The following DAPK3 variants were observed in gnomAD, a reference collection of about 807,000 sequenced individuals.
DAPK3 encodes the protein death associated protein kinase 3.
A neutral mutation model predicts 30.6 loss-of-function variants in DAPK3; 24 were observed. The ratio of observed to expected loss-of-function variants is 0.78; its 90% CI spans 0.57 to 1.10. The LOEUF is 1.10. DAPK3 is among the 50% of genes least tolerant of loss of function. The pLI is 0.00. For synonymous variants in DAPK3, 341 were observed against 284.0 expected, an observed-to-expected ratio of 1.20 and a Z score of -2.02; for missense variants, 629 against 657.3, an observed-to-expected ratio of 0.96 and a Z score of 0.47.
At position 3,958,712 on chromosome 19, in the gene DAPK3, C is replaced by G. The variant is rs111331135; in HGVS notation, c.*389G>C. ...CTCCTGGGCTAATGGCAGCAACAGG[C>G]AGCACCCCGCCGAATTGTCCGTGCA... On this transcript the variant is annotated 3_prime_UTR_variant, in exon 9 of 9. Transcript: ENST00000545797. The G allele has an allele frequency of 5.1e-4, 187 of 368,868 alleles. 1 individual carries two copies. Among genetic ancestry groups the G allele is most frequent in the Non-Finnish European group, 7.8e-4 (147 of 188,154 alleles). The allele number at this position is 368,868 out of a possible 1,614,324, so 22.8% of individuals were successfully genotyped here. A position where few individuals can be genotyped will look rare whatever the true frequency, so the allele number is the denominator to read the frequency against.
At position 3,961,140 on chromosome 19, in the gene DAPK3, G is replaced by T. The variant is rs780924181; in HGVS notation, c.651C>A (p.Phe217Leu). 1 of 1,612,922 alleles carries T rather than the reference G, an allele frequency of 6.2e-7. No homozygotes were observed. Among genetic ancestry groups the T allele is most frequent in the African/African-American group, 1.3e-5 (1 of 74,824 alleles). ...GCGTCTCCTGCTTGGTCTCGCCCAG[G>T]AACGGGGATGCACCGCTCAGGCTGC... is the stretch of plus-strand genomic sequence containing the variant. ...TYILLSGASPFLGETKQETLT... is the reference protein window; with the variant it reads ...TYILLSGASPLLGETKQETLT... The change falls in exon 7 of 9, where the codon TTC becomes TTA. Residue 217 changes from phenylalanine (F) to leucine (L), a missense_variant. By Grantham distance (22) the Phe-to-Leu change is conservative. Coordinates refer to ENST00000545797, the MANE Select transcript of DAPK3 (RefSeq NM_001348.3).
chr19:3,958,840 T>C lies in DAPK3; in HGVS notation c.*261A>G, dbSNP rs563124038. The C allele has an allele frequency of 1.7e-6, 1 of 580,364 alleles. No homozygotes were observed. The highest frequency in any genetic ancestry group is 3.1e-6 in the Non-Finnish European group (1 of 325,514). 36.0% of individuals were successfully genotyped at this position (580,364 alleles called of 1,614,324 possible). A position where few individuals can be genotyped will look rare whatever the true frequency, so the allele number is the denominator to read the frequency against. On this transcript the variant is annotated 3_prime_UTR_variant, in exon 9 of 9. Coordinates refer to ENST00000545797, the MANE Select transcript of DAPK3 (RefSeq NM_001348.3). ...TCACGGTGCCACAGGCCACGCTGCC[T>C]GGAGGGTCCCAGGGTCACCGACGAT...
At position 3,969,659 on chromosome 19, in the gene DAPK3, G is replaced by C. The variant is rs373824365; in HGVS notation, c.62+15C>G. On this transcript the variant is annotated intron_variant, in intron 2 of 8. Coordinates refer to ENST00000545797, the MANE Select transcript of DAPK3 (RefSeq NM_001348.3). ...TCCTATCCCTGGAGCCCAGCCGTGC[G>C]GGCAGACAGCTCACCTGCCCAGCTC... The C allele has an allele frequency of 7.0e-6, 11 of 1,575,610 alleles. No homozygotes were observed. The African/African-American group carries it at 1.2e-4, about 17-fold the overall frequency.
intron 4 of DAPK3, 72 bp from the exon 5 acceptor site, chr19:3,963,991 T>C: frequency 2.9e-6 from 3 of 1,044,894 alleles, no homozygotes; most frequent in Non-Finnish European, 4.4e-6. Context: ...GACACAGGCA[T>C]GGGGTCAAGG....
At chr19:3,963,105 A>C (rs1302554210) in intron 6 of DAPK3, among the ~76,000 whole-genome samples, 1 of 35,464 alleles carries the variant, frequency 2.8e-5, no homozygotes, top group Non-Finnish European at 8.3e-5. Flanking sequence ...AACTCCATCA[A>C]AAAAAAAAAA....
Position 3,959,645 on chromosome 19 carries a change from G to A in DAPK3, c.829-8C>T, listed in dbSNP as rs932177064. Reference sequence around the variant, plus strand: ...GTTCCGCCGCCGGATCGCCTAGGAAGGAGGGAAGCCTGAGCGGGGTCCCCG... The same window carrying A: ...GTTCCGCCGCCGGATCGCCTAGGAAAGAGGGAAGCCTGAGCGGGGTCCCCG... On this transcript the variant is annotated splice_region_variant and splice_polypyrimidine_tract_variant and intron_variant, in intron 8 of 8. Transcript: ENST00000545797. 3 of 1,570,654 alleles carry A rather than the reference G, an allele frequency of 1.9e-6. No individual in the cohort carries two copies. The highest frequency in any genetic ancestry group is 2.6e-6 in the Non-Finnish European group (3 of 1,164,242).
intron 7 of DAPK3, 62 bp downstream of exon 7, chr19:3,960,947 C>A: frequency 6.3e-7 from 1 of 1,576,876 alleles, no homozygotes; most frequent in Non-Finnish European, 8.7e-7. Context: ...TCTGGAGCCT[C>A]CGTGGGTGGA....
Position 3,959,050 on chromosome 19 carries a change from C to G in DAPK3, c.*51G>C, listed in dbSNP as rs1189358134. 1.6e-6 allele frequency: 2 copies of G among 1,233,108 alleles called. No individual in the cohort carries two copies. Among genetic ancestry groups the G allele is most frequent in the Non-Finnish European group, 2.2e-6 (2 of 916,252 alleles). 76.4% of individuals were successfully genotyped at this position (1,233,108 alleles called of 1,614,324 possible). On this transcript the variant is annotated 3_prime_UTR_variant, in exon 9 of 9. Transcript: ENST00000545797. ...GCGCAGCGTCCACAGGAAGCGCCCC[C>G]ACCGCAGGCCGAGCTCCGGCTGTCC... is the stretch of plus-strand genomic sequence containing the variant.
chr19:3,969,434 C>T (rs2039612660), intron 2 of DAPK3, among the ~76,000 whole-genome samples: 1 of 152,160 alleles, frequency 6.6e-6, no homozygotes, highest in South Asian at 2.1e-4. Context: ...ACGGTCTTGG[C>T]TGCTGTAACG....
intron 5 of DAPK3, 91 bp from the exon 6 acceptor site, chr19:3,963,760 C>T (rs2039544127): frequency 7.1e-6 from 9 of 1,263,370 alleles, no homozygotes; most frequent in Middle Eastern, 3.8e-4. Context: ...TCTAGGGCAA[C>T]GGTCCCCCCA....
intron 8 of DAPK3, 126 bp from the exon 9 acceptor site, chr19:3,959,763 A>C (rs2039483609): frequency 4.4e-6 from 5 of 1,136,106 alleles, no homozygotes; most frequent in Admixed American, 5.6e-5. Flanking sequence ...CGTGACGGAG[A>C]CTGCCCAGCC....
chr19:3,964,460 C>T (rs1269585664), intron 3 of DAPK3, 87 bp from the exon 4 acceptor site: 24 of 952,802 alleles, frequency 2.5e-5, no homozygotes, highest in South Asian at 5.7e-5. Context: ...TCACGCTCCC[C>T]GCAACCTCAC....
At position 3,959,234 on chromosome 19, in the gene DAPK3, C is replaced by G; in HGVS notation, c.1232G>C (p.Arg411Pro). 3.1e-6 allele frequency: 5 copies of G among 1,600,028 alleles called. No individual in the cohort carries two copies. The highest frequency in any genetic ancestry group is 1.3e-5 in the African/African-American group (1 of 75,002). Residue 411 changes from arginine (R) to proline (P), a missense_variant, in exon 9 of 9, where the codon CGC (arginine) becomes CCC (proline). Coordinates refer to ENST00000545797, the MANE Select transcript of DAPK3 (RefSeq NM_001348.3). ...GCGGTTCTCCAGGCGGCTGAAGCGG[C>G]GCTTGAGGCCGCTGGTCCCCAGCAG... is the stretch of plus-strand genomic sequence containing the variant. ...GALLGTSGLK[R>P]RFSRLENRYE...
At position 3,963,681 on chromosome 19, in the gene DAPK3, CAA is replaced by C; in HGVS notation, c.603-14_603-13del. 1 of 1,535,388 alleles carries C rather than the reference CAA, an allele frequency of 6.5e-7. No homozygotes were observed. The highest frequency in any genetic ancestry group is 1.2e-5 in the South Asian group (1 of 80,778). On this transcript the variant is annotated splice_polypyrimidine_tract_variant and intron_variant, in intron 5 of 8. Transcript: ENST00000545797. ...TGACACCGATGCTCCTGGGGACAGA[CAA>C]GAGGCAAGGGTCAGCGCAGCGTGGG...
chr19:3,959,730 A>C, intron 8 of DAPK3, 93 bp from the exon 9 acceptor site: 1 of 1,358,998 alleles, frequency 7.4e-7, no homozygotes, highest in Non-Finnish European at 9.8e-7. Context: ...TCAGGGGCTC[A>C]TCCGGCAGCA....
Position 3,971,042 on chromosome 19 carries a change from CGGCCGGCGCCGCCGCGCT to C in DAPK3, c.-234_-217del, listed in dbSNP as rs1185424016. 2.6e-5 allele frequency: 4 copies of C among 154,022 alleles called. No homozygotes were observed. In the South Asian group the frequency reaches 7.2e-4, roughly 28 times the overall value. 9.5% of individuals were successfully genotyped at this position (154,022 alleles called of 1,614,324 possible). A position where few individuals can be genotyped will look rare whatever the true frequency, so the allele number is the denominator to read the frequency against. On this transcript the variant is annotated 5_prime_UTR_variant, in exon 1 of 9. Coordinates refer to ENST00000545797, the MANE Select transcript of DAPK3 (RefSeq NM_001348.3). ...TTTACCCTCCGCAGCCCGGAGAATA[CGGCCGGCGCCGCCGCGCT>C]GGCCACCGCCGCCGCCTCCAGAAGC... is the stretch of plus-strand genomic sequence containing the variant.
Position 3,968,148 on chromosome 19 carries a change from G to A in DAPK3, c.62+1526C>T, listed in dbSNP as rs1472591455. ...TGGCCCTGCCTGGTTCTTTTTACAA[G>A]CTGCATCCTATTCCAGCCCTGATGC... On this transcript the variant is annotated intron_variant, in intron 2 of 8. Transcript: ENST00000545797. 2.0e-5 allele frequency among the ~76,000 whole-genome samples: 3 copies of A among 152,242 alleles called. No individual in the cohort carries two copies. The South Asian group carries it at 6.2e-4, about 32-fold the overall frequency.
intron 2 of DAPK3, among the ~76,000 whole-genome samples, chr19:3,968,223 G>C (rs113833148): frequency 6.6e-6 from 1 of 152,156 alleles, no homozygotes; most frequent in African/African-American, 2.4e-5. Context: ...AGCGGGGTGC[G>C]GTGGCTCACG....
intron 7 of DAPK3, 55 bp from the exon 8 acceptor site, chr19:3,960,159 G>A (rs1476616950): frequency 2.1e-5 from 20 of 968,332 alleles, no homozygotes; most frequent in Admixed American, 9.4e-5. Flanking sequence ...CCGTCCTCCC[G>A]TGAACAACTG....
Sources: allele counts gnomAD v4.1 joint callset (sites outside exome capture counted in the v4.1 genomes callset), GRCh38; gene constraint gnomAD v4.1.1; transcripts MANE v1.5; gene names NCBI Gene and HGNC (gene_info 2026-07-23, HGNC 2026-07-21).